The following ATXN8OS variants were observed in gnomAD, a reference collection of about 807,000 sequenced individuals.
ATXN8OS encodes the protein ATXN8 opposite strand (non-protein coding).
At chr13:70,109,720 A>T (rs975630857) in intron 1 of ATXN8OS, among the ~76,000 whole-genome samples, 5 of 151,868 alleles carry the variant, frequency 3.3e-5, no homozygotes, top group African/African-American at 1.2e-4. Flanking sequence ...TAAGCAAAAA[A>T]CCCTTTAAAG....
intron 4 of ATXN8OS, among the ~76,000 whole-genome samples, chr13:70,166,537 T>C (rs944071475): frequency 5.9e-5 from 9 of 152,030 alleles, no homozygotes; most frequent in Admixed American, 3.3e-4. Context: ...AAGACTTAAA[T>C]GTTAGACCTA....
At chr13:70,139,064 AT>A (rs1888658477) in intron 3 of ATXN8OS, among the ~76,000 whole-genome samples, 1 of 152,162 alleles carries the variant, frequency 6.6e-6, no homozygotes, top group Non-Finnish European at 1.5e-5. Flanking sequence ...ATCTTAAATC[AT>A]TTATCGAAGT....
intron 4 of ATXN8OS, among the ~76,000 whole-genome samples, chr13:70,164,530 T>C (rs1046585315): frequency 6.6e-6 from 1 of 152,028 alleles, no homozygotes; most frequent in African/African-American, 2.4e-5. Context: ...TAAGGCAGGA[T>C]AGAAGGAGAA....
At chr13:70,166,671 G>T (rs1396446693) in intron 4 of ATXN8OS, among the ~76,000 whole-genome samples, 1 of 152,056 alleles carries the variant, frequency 6.6e-6, no homozygotes, top group African/African-American at 2.4e-5. Flanking sequence ...TGACAAATGG[G>T]ATCTAATTAA....
chr13:70,165,200 T>C (rs1889064125), intron 4 of ATXN8OS, among the ~76,000 whole-genome samples: 2 of 151,802 alleles, frequency 1.3e-5, no homozygotes, highest in African/African-American at 4.8e-5. Flanking sequence ...AGCATATTGT[T>C]AATTTAAGAG....
chr13:70,108,268 C>T, intron 1 of ATXN8OS: 1 of 378,390 alleles, frequency 2.6e-6, no homozygotes, highest in East Asian at 3.9e-5. Context: ...GCCCCTGTCC[C>T]TGGCCTTTTC....
chr13:70,108,264 G>T, intron 1 of ATXN8OS: 1 of 381,288 alleles, frequency 2.6e-6, no homozygotes, highest in Non-Finnish European at 4.6e-6. Flanking sequence ...CTGCGCCCCT[G>T]TCCCTGGCCT....
chr13:70,109,314 T>C (rs1021371014), intron 1 of ATXN8OS, among the ~76,000 whole-genome samples: 16 of 152,168 alleles, frequency 1.1e-4, no homozygotes, highest in African/African-American at 3.9e-4. Context: ...TAGAACCCAG[T>C]AGTCTTTGTT....
chr13:70,110,817 C>T (rs9529681), intron 1 of ATXN8OS, among the ~76,000 whole-genome samples: 110,450 of 151,942 alleles, frequency 0.73, 40,434 homozygotes, highest in South Asian at 0.85. Context: ...CTGGAAGAAC[C>T]CACAAAAGAG....
intron 4 of ATXN8OS, among the ~76,000 whole-genome samples, chr13:70,153,119 A>C (rs1471572663): frequency 6.6e-6 from 1 of 151,978 alleles, no homozygotes; most frequent in East Asian, 1.9e-4. Context: ...GAAAAAAAGT[A>C]CATTTTATGA....
intron 2 of ATXN8OS, among the ~76,000 whole-genome samples, chr13:70,126,976 T>C (rs1319054022): frequency 6.6e-6 from 1 of 151,858 alleles, no homozygotes; most frequent in East Asian, 1.9e-4. Context: ...TATAGATACA[T>C]ATATCAACTA....
intron 3 of ATXN8OS, among the ~76,000 whole-genome samples, chr13:70,132,462 T>C (rs1164263005): frequency 3.3e-5 from 5 of 151,708 alleles, no homozygotes; most frequent in Non-Finnish European, 7.4e-5. Flanking sequence ...TGGAGACTAC[T>C]AGATGGGGAA....
At chr13:70,123,877 T>G (rs1593760101) in intron 2 of ATXN8OS, among the ~76,000 whole-genome samples, 1 of 152,220 alleles carries the variant, frequency 6.6e-6, no homozygotes, top group East Asian at 1.9e-4. Flanking sequence ...TTGGTGTTAT[T>G]TGTAATTTAC....
At chr13:70,139,383 A>ACTGCTGCTACTGCTGCTG in intron 3 of ATXN8OS, 2 of 455,722 alleles carry the variant, frequency 4.4e-6, no homozygotes, top group African/African-American at 3.2e-5. Context: ...TACTACTACT[A>ACTGCTGCTACTGCTGCTG]CTGCTGCTGC....
At chr13:70,129,752 C>A in intron 2 of ATXN8OS, 1 of 398,286 alleles carries the variant, frequency 2.5e-6, no homozygotes, top group East Asian at 3.6e-5. Context: ...TATGTTTTAA[C>A]CTGAACTCTC....
intron 3 of ATXN8OS, among the ~76,000 whole-genome samples, chr13:70,137,959 G>A (rs954182905): frequency 6.6e-6 from 1 of 152,200 alleles, no homozygotes; most frequent in Non-Finnish European, 1.5e-5. Context: ...TTACCATGGT[G>A]GAGCAGGGGA....
At chr13:70,139,126 A>G (rs374238002) in intron 3 of ATXN8OS, 40 of 404,744 alleles carry the variant, frequency 9.9e-5, no homozygotes, top group African/African-American at 7.8e-4. Flanking sequence ...GGTTTTTCCT[A>G]GTTCTTGGCT....
At chr13:70,116,846 G>A (rs1426035217) in intron 2 of ATXN8OS, among the ~76,000 whole-genome samples, 1 of 152,046 alleles carries the variant, frequency 6.6e-6, no homozygotes. Flanking sequence ...ATAGGGAATC[G>A]ATTTTCCCTA....
intron 2 of ATXN8OS, among the ~76,000 whole-genome samples, chr13:70,120,600 A>G (rs1371691021): frequency 6.6e-6 from 1 of 152,180 alleles, no homozygotes; most frequent in Non-Finnish European, 1.5e-5. Context: ...TTTAGTGAGA[A>G]AAACCGTAAA....
Sources: gnomAD v4.1 joint callset for allele counts (sites outside exome capture counted in the v4.1 genomes callset) on GRCh38, gnomAD v4.1.1 for gene constraint, MANE v1.5 for transcripts, NCBI Gene and HGNC (gene_info 2026-07-23, HGNC 2026-07-21) for gene names.